PSTPIP1: variants seen among roughly 807,000 people sequenced by gnomAD.
PSTPIP1 encodes the protein proline-serine-threonine phosphatase-interacting protein 1.
A neutral mutation model predicts 69.6 loss-of-function variants in PSTPIP1; 66 were observed. The ratio of observed to expected loss-of-function variants is 0.95; its 90% CI spans 0.78 to 1.16. PSTPIP1 has a LOEUF of 1.16. Ranked by LOEUF, PSTPIP1 falls within the 50% of genes most tolerant of loss-of-function variation. The pLI is 0.00. For synonymous variants in PSTPIP1, 266 were observed against 222.7 expected, an observed-to-expected ratio of 1.19 and a Z score of -1.73; for missense variants, 603 against 557.4, an observed-to-expected ratio of 1.08 and a Z score of -0.82.
Position 76,995,385 on chromosome 15 carries a change from G to T in PSTPIP1, c.-189G>T. ...ATTCTAGCCCCAAACAAAACAGGTT[G>T]AGCTTTTTCCTCCCCTCAGAAGCTC... is the stretch of plus-strand genomic sequence containing the variant. On this transcript the variant is annotated 5_prime_UTR_variant, in exon 1 of 15. Transcript: ENST00000558012. The T allele has an allele frequency of 6.9e-7, 1 of 1,443,964 alleles. No homozygotes were observed. The allele number at this position is 1,443,964 out of a possible 1,614,324, so 89.4% of individuals were successfully genotyped here. A position where few individuals can be genotyped will look rare whatever the true frequency, so the allele number is the denominator to read the frequency against.
chr15:77,025,470 G>A, intron 4 of PSTPIP1, 28 bp from the exon 5 acceptor site: 1 of 1,576,872 alleles, frequency 6.3e-7, no homozygotes, highest in East Asian at 2.3e-5. Flanking sequence ...TCTGACACTG[G>A]GGACCAGTAT....
intron 1 of PSTPIP1, among the ~76,000 whole-genome samples, chr15:77,017,432 C>G (rs1028217749): frequency 6.6e-6 from 1 of 152,188 alleles, no homozygotes; most frequent in Non-Finnish European, 1.5e-5. Flanking sequence ...TGAGGCTCCC[C>G]ACCCCACCCC....
At chr15:77,004,859 A>AAAACAAAC (rs919279347) in intron 1 of PSTPIP1, among the ~76,000 whole-genome samples, 1 of 149,946 alleles carries the variant, frequency 6.7e-6, no homozygotes, top group Non-Finnish European at 1.5e-5. Flanking sequence ...AGACTGTCTC[A>AAAACAAAC]AAACAAACAA....
chr15:77,004,962 C>T (rs771181172), intron 1 of PSTPIP1, among the ~76,000 whole-genome samples: 8 of 152,198 alleles, frequency 5.3e-5, no homozygotes, highest in Non-Finnish European at 1.0e-4. Context: ...GCCCAGGCCA[C>T]ACCCCAGGTC....
intron 9 of PSTPIP1, 105 bp from the exon 10 acceptor site, chr15:77,031,075 G>C: frequency 8.9e-7 from 1 of 1,126,680 alleles, no homozygotes; most frequent in Non-Finnish European, 1.3e-6. Flanking sequence ...GCTTCCAGCA[G>C]AGAGGGCTGG....
At chr15:77,001,301 A>G (rs2075702310) in intron 1 of PSTPIP1, among the ~76,000 whole-genome samples, 1 of 152,234 alleles carries the variant, frequency 6.6e-6, no homozygotes, top group Non-Finnish European at 1.5e-5. Context: ...CCAGTTCTCC[A>G]GCCATGGGTA....
In PSTPIP1 at chr15:77,032,911, C is replaced by T; in HGVS notation, c.888C>T (p.Thr296=). The change falls in exon 12 of 15, where the codon ACC becomes ACT. Residue 296 remains threonine, a synonymous_variant. Transcript: ENST00000558012. Reference sequence around the variant, plus strand: ...ACGATCGGGAGGTCACCCCGCTGACCAGCAGCCCTGGCATACAGCCGTCCT... The same window carrying T: ...ACGATCGGGAGGTCACCCCGCTGACTAGCAGCCCTGGCATACAGCCGTCCT... The part of the protein sequence containing the change: ...NYYDREVTPL[T]SSPGIQPSCG... The T allele has an allele frequency of 6.2e-7, 1 of 1,605,508 alleles. No individual in the cohort carries two copies. Among genetic ancestry groups the T allele is most frequent in the Non-Finnish European group, 8.5e-7 (1 of 1,176,594 alleles).
chr15:77,021,420 CGTGCCTCACGCCTATAA>C (rs2076158886), intron 3 of PSTPIP1, among the ~76,000 whole-genome samples: 1 of 152,196 alleles, frequency 6.6e-6, no homozygotes, highest in African/African-American at 2.4e-5. Flanking sequence ...GGCCAGGCGC[CGTGCCTCACGCCTATAA>C]TCCCATCACT....
intron 1 of PSTPIP1, among the ~76,000 whole-genome samples, chr15:77,000,968 C>G (rs1460434187): frequency 6.6e-6 from 1 of 152,066 alleles, no homozygotes; most frequent in Non-Finnish European, 1.5e-5. Context: ...CACACTTTGC[C>G]ACCCTCCCCT....
At chr15:77,035,621 C>G (rs1232859012) in intron 13 of PSTPIP1, 58 bp downstream of exon 13, 1 of 1,528,928 alleles carries the variant, frequency 6.5e-7, no homozygotes, top group African/African-American at 1.4e-5. Context: ...GAGGAGAGGT[C>G]TCCCACATGG....
At chr15:77,034,244 T>C (rs1219126683) in intron 12 of PSTPIP1, among the ~76,000 whole-genome samples, 2 of 151,920 alleles carry the variant, frequency 1.3e-5, no homozygotes, top group Non-Finnish European at 2.9e-5. Context: ...TGCACCCCTT[T>C]CCCCCTGCCC....
chr15:77,035,298 G>T (rs1300396687), intron 12 of PSTPIP1, among the ~76,000 whole-genome samples: 2 of 152,142 alleles, frequency 1.3e-5, no homozygotes, highest in African/African-American at 4.8e-5. Context: ...GGCGTAGCTG[G>T]GGAAGGAGGA....
At chr15:77,006,683 C>A (rs540658514) in intron 1 of PSTPIP1, among the ~76,000 whole-genome samples, 1 of 152,174 alleles carries the variant, frequency 6.6e-6, no homozygotes, top group Non-Finnish European at 1.5e-5. Context: ...GTTTTCCCAG[C>A]GCCATTTGTT....
At chr15:77,033,273 A>G (rs1395893767) in intron 12 of PSTPIP1, among the ~76,000 whole-genome samples, 1 of 152,202 alleles carries the variant, frequency 6.6e-6, no homozygotes, top group African/African-American at 2.4e-5. Flanking sequence ...GTCAGGCTGC[A>G]GTGGCAACGC....
intron 10 of PSTPIP1, 107 bp downstream of exon 10, chr15:77,031,385 A>C: frequency 8.0e-7 from 1 of 1,257,320 alleles, no homozygotes; most frequent in Non-Finnish European, 1.1e-6. Flanking sequence ...TCTGTGATCC[A>C]AGCCTGGCCC....
At chr15:77,019,878 G>C (rs1408537910) in intron 3 of PSTPIP1, among the ~76,000 whole-genome samples, 3 of 152,220 alleles carry the variant, frequency 2.0e-5, no homozygotes, top group Non-Finnish European at 2.9e-5. Context: ...GCAGCTGTGG[G>C]GGCCTGGCAG....
In PSTPIP1 at chr15:77,030,597, G is replaced by A. The variant is rs78282498; in HGVS notation, c.642+16G>A. 2,752 of 1,583,610 alleles carry A rather than the reference G, an allele frequency of 1.7e-3. 47 individuals are homozygous for A. In the African/African-American group the frequency reaches 0.033, roughly 19 times the overall value. On this transcript the variant is annotated intron_variant, in intron 9 of 14. Coordinates refer to ENST00000558012, the MANE Select transcript of PSTPIP1 (RefSeq NM_003978.5). ...CACCTGTGAGGTGAGTGGCCCACGTGGAGCCTCGTTTTCCCCAGCTGGGAA... is the reference window on the plus strand; with the variant it reads ...CACCTGTGAGGTGAGTGGCCCACGTAGAGCCTCGTTTTCCCCAGCTGGGAA...
Position 77,035,900 on chromosome 15 carries a change from C to G in PSTPIP1, c.1084C>G (p.Gln362Glu), listed in dbSNP as rs1214787045. 6.2e-7 allele frequency: 1 copy of G among 1,609,660 alleles called. No homozygotes were observed. Among genetic ancestry groups the G allele is most frequent in the East Asian group, 2.2e-5 (1 of 44,806 alleles). The change falls in exon 14 of 15, where the codon CAG (glutamine) becomes GAG (glutamate). Residue 362 changes from glutamine to glutamate, a missense_variant. By Grantham distance (29) the Gln-to-Glu change is conservative (BLOSUM62 2). Coordinates refer to ENST00000558012, the MANE Select transcript of PSTPIP1 (RefSeq NM_003978.5). ...ACAGGGAAACCCGGCCTCACCAGCC[C>G]AGGAGTACCGGGCGCTCTACGATTA... ...EIQGNPASPA[Q>E]EYRALYDYTA...
At chr15:77,013,894 T>G (rs1400288176) in intron 1 of PSTPIP1, among the ~76,000 whole-genome samples, 6 of 152,164 alleles carry the variant, frequency 3.9e-5, no homozygotes, top group African/African-American at 1.4e-4. Context: ...TGCTCCCCTT[T>G]AAATGGAACC....
Sources: gnomAD v4.1 joint callset for allele counts (sites outside exome capture counted in the v4.1 genomes callset) on GRCh38, gnomAD v4.1.1 for gene constraint, MANE v1.5 for transcripts, NCBI Gene and HGNC (gene_info 2026-07-23, HGNC 2026-07-21) for gene names.